NRXN1: variants seen among roughly 807,000 people sequenced by gnomAD.
The protein encoded by NRXN1 is neurexin-1.
Under a neutral mutation model 150.9 loss-of-function variants are expected in NRXN1, and 39 were observed. That is an observed-to-expected ratio of 0.26 (90% CI 0.20 to 0.34). NRXN1 has a LOEUF of 0.34. Ranked by LOEUF, NRXN1 falls within the 10% of genes least tolerant of loss-of-function variation. The pLI is 1.00. For synonymous variants in NRXN1, 924 were observed against 757.0 expected (o/e 1.22, Z -3.62); for missense variants, 1,815 against 1,949.9 (o/e 0.93, Z 1.30).
intron 22 of NRXN1, among the ~76,000 whole-genome samples, chr2:49,925,205 G>A (rs370853299): frequency 1.3e-5 from 2 of 151,314 alleles, no homozygotes; most frequent in African/African-American, 2.4e-5. Flanking sequence ...GCTTGAACCC[G>A]GGAGGCAGAG....
intron 8 of NRXN1, among the ~76,000 whole-genome samples, chr2:50,582,705 G>A (rs1672480475): frequency 6.6e-6 from 1 of 151,262 alleles, no homozygotes; most frequent in Non-Finnish European, 1.5e-5. Flanking sequence ...ATATATTTAG[G>A]TTTGTGTTTA....
intron 19 of NRXN1, among the ~76,000 whole-genome samples, chr2:50,059,426 T>A (rs776749996): frequency 1.2e-4 from 19 of 152,176 alleles, no homozygotes; most frequent in Non-Finnish European, 2.2e-4. Flanking sequence ...TTGGAACTTA[T>A]GTTTAAAATG....
At chr2:50,519,558 G>A (rs1249497595) in intron 12 of NRXN1, among the ~76,000 whole-genome samples, 2 of 151,648 alleles carry the variant, frequency 1.3e-5, no homozygotes, top group South Asian at 2.1e-4. Context: ...AGTGTGTGAA[G>A]GTTCCTTGGA....
chr2:50,052,565 A>G (rs1692893099), intron 21 of NRXN1, among the ~76,000 whole-genome samples: 1 of 152,156 alleles, frequency 6.6e-6, no homozygotes, highest in South Asian at 2.1e-4. Context: ...GATTGAATTA[A>G]CATACTTCCA....
chr2:50,041,936 G>A (rs532361334), intron 21 of NRXN1, among the ~76,000 whole-genome samples: 8 of 152,222 alleles, frequency 5.3e-5, no homozygotes, highest in Admixed American at 2.0e-4. Context: ...CTTTGGGCCC[G>A]TCTCTTTTCC....
chr2:50,799,224 T>C (rs774979544), intron 5 of NRXN1, among the ~76,000 whole-genome samples: 8 of 152,254 alleles, frequency 5.3e-5, no homozygotes, highest in Non-Finnish European at 8.8e-5. Context: ...GAGTTATTTG[T>C]GTACTTTGTT....
intron 16 of NRXN1, among the ~76,000 whole-genome samples, chr2:50,467,804 AAAGAACT>A (rs2089057268): frequency 6.6e-6 from 1 of 151,522 alleles, no homozygotes; most frequent in African/African-American, 2.4e-5. Context: ...TATTTGTAAT[AAAGAACT>A]AAGAACTAAC....
At chr2:51,003,661 C>T (rs999051970) in intron 2 of NRXN1, among the ~76,000 whole-genome samples, 1 of 151,936 alleles carries the variant, frequency 6.6e-6, no homozygotes, top group African/African-American at 2.4e-5. Context: ...TTATTTGCCT[C>T]TGACTCCTGG....
chr2:50,117,528 T>G (rs1703230848), intron 18 of NRXN1, among the ~76,000 whole-genome samples: 1 of 152,128 alleles, frequency 6.6e-6, no homozygotes, highest in South Asian at 2.1e-4. Flanking sequence ...AAATATGTTT[T>G]TAATAAAGCC....
chr2:50,074,244 G>A (rs1432718330), intron 19 of NRXN1, among the ~76,000 whole-genome samples: 1 of 152,026 alleles, frequency 6.6e-6, no homozygotes, highest in Non-Finnish European at 1.5e-5. Flanking sequence ...ATTAGCACTA[G>A]ATGATGTATT....
intron 8 of NRXN1, among the ~76,000 whole-genome samples, chr2:50,587,319 C>T (rs1573663743): frequency 6.6e-6 from 1 of 152,290 alleles, no homozygotes. Context: ...ACACCGTCTC[C>T]ACTAAAAATA....
At chr2:50,359,957 A>C (rs2079073870) in intron 17 of NRXN1, among the ~76,000 whole-genome samples, 1 of 152,212 alleles carries the variant, frequency 6.6e-6, no homozygotes, top group Admixed American at 6.5e-5. Context: ...AATATTCAAC[A>C]TTCTTAAAGA....
chr2:50,256,959 G>T (rs191668169), intron 17 of NRXN1, among the ~76,000 whole-genome samples: 10 of 152,084 alleles, frequency 6.6e-5, no homozygotes, highest in Admixed American at 2.0e-4. Flanking sequence ...TGAGAAAAAA[G>T]AATCTTATAC....
chr2:50,823,470 C>T (rs1018453294), intron 5 of NRXN1, among the ~76,000 whole-genome samples: 38 of 152,116 alleles, frequency 2.5e-4, no homozygotes, highest in African/African-American at 8.9e-4. Context: ...TCCATAAATT[C>T]TGGTGAATCT....
chr2:50,830,193 T>A (rs1671222142), intron 5 of NRXN1, among the ~76,000 whole-genome samples: 1 of 151,898 alleles, frequency 6.6e-6, no homozygotes, highest in Non-Finnish European at 1.5e-5. Context: ...TACCAATACA[T>A]ACAGATTTGG....
intron 8 of NRXN1, among the ~76,000 whole-genome samples, chr2:50,612,253 ATTACCTT>A (rs1463519301): frequency 6.6e-6 from 1 of 151,670 alleles, no homozygotes; most frequent in African/African-American, 2.4e-5. Context: ...TGCTTAGAGT[ATTACCTT>A]TGCAATTATG....
At chr2:50,383,299 C>T (rs1420998681) in intron 17 of NRXN1, among the ~76,000 whole-genome samples, 1 of 152,014 alleles carries the variant, frequency 6.6e-6, no homozygotes, top group Admixed American at 6.6e-5. Flanking sequence ...TATCACGCGG[C>T]CTGTTTTCCA....
intron 17 of NRXN1, among the ~76,000 whole-genome samples, chr2:50,363,609 G>C (rs1469470945): frequency 6.6e-6 from 1 of 152,192 alleles, no homozygotes; most frequent in Admixed American, 6.5e-5. Context: ...TGGAGAGGAT[G>C]TGGAGAAAAA....
At chr2:50,953,752 A>T (rs1691808782) in intron 2 of NRXN1, among the ~76,000 whole-genome samples, 1 of 151,786 alleles carries the variant, frequency 6.6e-6, no homozygotes, top group Non-Finnish European at 1.5e-5. Context: ...GTAGAGACGA[A>T]ATTTCACCAT....
Sources: gnomAD v4.1 joint callset for allele counts (sites outside exome capture counted in the v4.1 genomes callset) on GRCh38, gnomAD v4.1.1 for gene constraint, MANE v1.5 for transcripts, NCBI Gene and HGNC (gene_info 2026-07-23, HGNC 2026-07-21) for gene names.